Variants in KCNMA1 observed in about 807,000 individuals in gnomAD.
KCNMA1 encodes potassium calcium-activated channel subfamily M alpha 1.
KCNMA1 carries 29 observed loss-of-function variants against 140.0 expected under a neutral mutation model. That is an observed-to-expected ratio of 0.21 (90% CI 0.15 to 0.28). KCNMA1 has a LOEUF of 0.28. KCNMA1 is among the 10% of genes least tolerant of loss of function. The probability of loss-of-function intolerance (pLI) is 1.00; values close to 1 mark genes in which losing one functional copy is unlikely to be tolerated. For missense variants in KCNMA1, 880 were observed against 1,602.2 expected, an observed-to-expected ratio of 0.55 and a Z score of 7.70; for synonymous variants, 612 against 611.9, an observed-to-expected ratio of 1.00 and a Z score of 0.00.
intron 17 of KCNMA1, among the ~76,000 whole-genome samples, chr10:77,015,605 A>G (rs1007410727): frequency 2.0e-5 from 3 of 152,136 alleles, no homozygotes; most frequent in Non-Finnish European, 4.4e-5. Context: ...GCCTTATGAT[A>G]TCACTGTGTG....
chr10:77,604,589 G>A (rs2083736258), intron 1 of KCNMA1, among the ~76,000 whole-genome samples: 1 of 151,904 alleles, frequency 6.6e-6, no homozygotes, highest in Non-Finnish European at 1.5e-5. Context: ...GCATGGTGGT[G>A]TGCACCTATG....
At position 76,977,786 on chromosome 10, in the gene KCNMA1, G is replaced by C. The variant is rs151030694; in HGVS notation, c.2267-7719C>G. The C allele has an allele frequency of 5.0e-6, 3 of 600,020 alleles. No homozygotes were observed. The African/African-American group carries it at 5.5e-5, about 11-fold the overall frequency. 37.2% of individuals were successfully genotyped at this position (600,020 alleles called of 1,614,324 possible). The stretch of plus-strand genomic sequence containing the variant: ...CTATTAGCCCTGCTGGTCCGCTCGT[G>C]TTTGAGGTCATGAGTCAGGTGAGTT... On this transcript the variant is annotated intron_variant, in intron 19 of 27. Transcript: ENST00000286628.
At chr10:77,086,466 G>A in intron 11 of KCNMA1, 22 bp downstream of exon 11, 1 of 1,547,914 alleles carries the variant, frequency 6.5e-7, no homozygotes, top group Non-Finnish European at 8.9e-7. Context: ...AATAAAAGCA[G>A]AAGTCACCTC....
intron 2 of KCNMA1, among the ~76,000 whole-genome samples, chr10:77,298,937 C>T (rs988773341): frequency 1.3e-5 from 2 of 152,194 alleles, no homozygotes; most frequent in South Asian, 2.1e-4. Context: ...GGGACCTGCG[C>T]CCCAGAGCAT....
At chr10:77,039,664 G>A in intron 14 of KCNMA1, 27 bp from the exon 15 acceptor site, 1 of 1,401,340 alleles carries the variant, frequency 7.1e-7, no homozygotes, top group South Asian at 1.2e-5. Context: ...CATGCGGAGA[G>A]TTTAAAATAT....
At chr10:77,585,551 A>G (rs2077055256) in intron 1 of KCNMA1, among the ~76,000 whole-genome samples, 1 of 152,220 alleles carries the variant, frequency 6.6e-6, no homozygotes, top group Admixed American at 6.5e-5. Context: ...AAATGTTTGT[A>G]ACCCTTCCTT....
At chr10:77,088,979 G>A (rs1262380288) in intron 10 of KCNMA1, among the ~76,000 whole-genome samples, 3 of 152,168 alleles carry the variant, frequency 2.0e-5, no homozygotes, top group East Asian at 3.9e-4. Flanking sequence ...ATCTTGAAAT[G>A]CCCAACTCAT....
At chr10:77,128,714 G>C (rs1265067448) in intron 5 of KCNMA1, among the ~76,000 whole-genome samples, 2 of 152,006 alleles carry the variant, frequency 1.3e-5, no homozygotes, top group African/African-American at 4.8e-5. Context: ...GTAAATAATA[G>C]GAAAACAAAT....
intron 2 of KCNMA1, among the ~76,000 whole-genome samples, chr10:77,370,479 C>A (rs2094617661): frequency 6.6e-6 from 1 of 152,184 alleles, no homozygotes; most frequent in South Asian, 2.1e-4. Context: ...AACACCCCTG[C>A]CGCTGCCTGT....
chr10:77,039,181 T>C (rs1379016518), intron 15 of KCNMA1: 2 of 349,922 alleles, frequency 5.7e-6, no homozygotes, highest in African/African-American at 4.1e-5. Flanking sequence ...GCAAGATTTG[T>C]TTTGCCCTCT....
chr10:77,060,064 A>T (rs1472956149), intron 14 of KCNMA1, among the ~76,000 whole-genome samples: 1 of 152,196 alleles, frequency 6.6e-6, no homozygotes, highest in South Asian at 2.1e-4. Context: ...CAAGTTAAAG[A>T]TGACCTAAAT....
chr10:77,364,268 T>G (rs979816492), intron 2 of KCNMA1, among the ~76,000 whole-genome samples: 4 of 152,010 alleles, frequency 2.6e-5, no homozygotes, highest in Non-Finnish European at 5.9e-5. Flanking sequence ...CTGGCCAACA[T>G]AGCAAAACCC....
At chr10:76,878,522 A>G (rs1180201886) in intron 29 of KCNMA1, among the ~76,000 whole-genome samples, 1 of 152,216 alleles carries the variant, frequency 6.6e-6, no homozygotes, top group Non-Finnish European at 1.5e-5. Context: ...AATAGCGACC[A>G]ATGTTTTAAA....
intron 2 of KCNMA1, among the ~76,000 whole-genome samples, chr10:77,295,787 CAAAAAAAAAAAAAA>C (rs36034012): frequency 1.8e-4 from 8 of 43,260 alleles, no homozygotes; most frequent in South Asian, 3.2e-3. Flanking sequence ...GACTCCGTCT[CAAAAAAAAAAAAAA>C]AAAAAAAAAA....
chr10:77,482,199 G>A (rs1486123509), intron 1 of KCNMA1, among the ~76,000 whole-genome samples: 1 of 152,242 alleles, frequency 6.6e-6, no homozygotes, highest in Non-Finnish European at 1.5e-5. Flanking sequence ...AAGCCACACT[G>A]TCCCTGGGAC....
intron 1 of KCNMA1, among the ~76,000 whole-genome samples, chr10:77,556,602 T>A (rs2064563346): frequency 6.7e-6 from 1 of 150,362 alleles, no homozygotes. Flanking sequence ...CAATAAGGAC[T>A]CTTTATGCTT....
intron 20 of KCNMA1, among the ~76,000 whole-genome samples, chr10:76,962,206 T>C (rs1163528926): frequency 1.3e-5 from 2 of 152,190 alleles, no homozygotes; most frequent in Non-Finnish European, 2.9e-5. Flanking sequence ...GTTCCTTCGG[T>C]GGCACTGGGT....
chr10:77,249,087 G>A (rs543836229), intron 3 of KCNMA1, among the ~76,000 whole-genome samples: 13 of 152,206 alleles, frequency 8.5e-5, no homozygotes, highest in Non-Finnish European at 1.8e-4. Flanking sequence ...ATGAGGCTAC[G>A]ACAGTCCTCA....
At chr10:76,922,362 G>A (rs2056162765) in intron 23 of KCNMA1, among the ~76,000 whole-genome samples, 1 of 152,098 alleles carries the variant, frequency 6.6e-6, no homozygotes, top group Non-Finnish European at 1.5e-5. Flanking sequence ...CTCCTTCTAT[G>A]CATAAGAAAC....
Sources: allele counts gnomAD v4.1 joint callset (sites outside exome capture counted in the v4.1 genomes callset), GRCh38; gene constraint gnomAD v4.1.1; transcripts MANE v1.5; gene names NCBI Gene and HGNC (gene_info 2026-07-23, HGNC 2026-07-21).